The following DLG2 variants were observed in gnomAD, a reference collection of about 807,000 sequenced individuals.
DLG2 encodes the protein discs large MAGUK scaffold protein 2, also known as disks large homolog 2.
DLG2 carries 45 observed loss-of-function variants against 132.5 expected under a neutral mutation model. The observed-to-expected ratio is 0.34, with a 90% CI of 0.27 to 0.44. The LOEUF (loss-of-function observed/expected upper bound fraction) is 0.44. DLG2 is among the 20% of genes least tolerant of loss of function. DLG2 has a pLI of 1.00. For synonymous variants in DLG2, 424 were observed against 419.6 expected (o/e 1.01, Z -0.13); for missense variants, 1,045 against 1,196.9 (o/e 0.87, Z 1.87).
intron 18 of DLG2, among the ~76,000 whole-genome samples, chr11:83,669,132 G>C (rs560829578): frequency 6.6e-6 from 1 of 152,136 alleles, no homozygotes; most frequent in East Asian, 1.9e-4. Flanking sequence ...TGTGTGCCAG[G>C]CAGAGTATTA....
chr11:83,496,958 A>T (rs1310316693), intron 21 of DLG2, among the ~76,000 whole-genome samples: 1 of 152,214 alleles, frequency 6.6e-6, no homozygotes, highest in Non-Finnish European at 1.5e-5. Flanking sequence ...TTTTAAGGTT[A>T]TGCTTAGGTG....
At chr11:84,684,996 T>C (rs2099736825) in intron 6 of DLG2, among the ~76,000 whole-genome samples, 1 of 152,220 alleles carries the variant, frequency 6.6e-6, no homozygotes, top group Admixed American at 6.5e-5. Context: ...GCAATTTATC[T>C]CTTTTTGATT....
chr11:84,245,594 C>T (rs964519548), intron 8 of DLG2, among the ~76,000 whole-genome samples: 47 of 152,142 alleles, frequency 3.1e-4, no homozygotes, highest in Admixed American at 8.5e-4. Flanking sequence ...AAAATTTCAG[C>T]AACAAAGTGT....
At chr11:84,795,998 G>A (rs1482505397) in intron 6 of DLG2, among the ~76,000 whole-genome samples, 3 of 152,188 alleles carry the variant, frequency 2.0e-5, no homozygotes, top group African/African-American at 2.4e-5. Context: ...TTGCCATTCT[G>A]TGCCTGGCTC....
chr11:85,280,066 T>C (rs1385237882), intron 4 of DLG2, among the ~76,000 whole-genome samples: 2 of 152,148 alleles, frequency 1.3e-5, no homozygotes, highest in Non-Finnish European at 2.9e-5. Flanking sequence ...CTATTTATAC[T>C]ATGCATTTTA....
At chr11:85,137,388 A>G (rs2076199705) in intron 5 of DLG2, among the ~76,000 whole-genome samples, 1 of 152,138 alleles carries the variant, frequency 6.6e-6, no homozygotes, top group Non-Finnish European at 1.5e-5. Flanking sequence ...TTGAGGTTCT[A>G]TGACCTGCCG....
intron 18 of DLG2, among the ~76,000 whole-genome samples, chr11:83,758,494 T>C (rs1035123132): frequency 6.6e-6 from 1 of 152,194 alleles, no homozygotes; most frequent in African/African-American, 2.4e-5. Flanking sequence ...CTTCGTTGCA[T>C]AGTACAGCAT....
At chr11:85,420,831 G>T (rs1376511836) in intron 3 of DLG2, among the ~76,000 whole-genome samples, 2 of 152,136 alleles carry the variant, frequency 1.3e-5, no homozygotes, top group African/African-American at 4.8e-5. Context: ...TGCTCTGCTG[G>T]CAGCAAGAAT....
chr11:85,041,919 TCG>T (rs1367285489), intron 6 of DLG2, among the ~76,000 whole-genome samples: 78 of 151,702 alleles, frequency 5.1e-4, no homozygotes, highest in African/African-American at 1.8e-3. Flanking sequence ...ATAATGAACA[TCG>T]GAGAGTCAGA....
intron 4 of DLG2, among the ~76,000 whole-genome samples, chr11:85,281,453 G>A (rs1469540390): frequency 2.0e-5 from 3 of 151,848 alleles, no homozygotes; most frequent in Non-Finnish European, 4.4e-5. Flanking sequence ...CTATAATAAC[G>A]AAGCCTGTGG....
At chr11:83,961,665 A>T (rs1252503071) in intron 14 of DLG2, among the ~76,000 whole-genome samples, 1 of 152,088 alleles carries the variant, frequency 6.6e-6, no homozygotes, top group East Asian at 1.9e-4. Flanking sequence ...GCCTAGTAAC[A>T]TAAAGTGACA....
intron 3 of DLG2, among the ~76,000 whole-genome samples, chr11:85,592,828 C>T (rs1376381087): frequency 1.3e-5 from 2 of 151,852 alleles, no homozygotes; most frequent in Non-Finnish European, 2.9e-5. Context: ...CTGCGCATAC[C>T]AGTAGTCCCA....
At chr11:85,431,010 T>C (rs1048950821) in intron 3 of DLG2, among the ~76,000 whole-genome samples, 2 of 151,982 alleles carry the variant, frequency 1.3e-5, no homozygotes, top group African/African-American at 4.8e-5. Flanking sequence ...AAAAATGATT[T>C]TGGGTTTCAA....
At chr11:85,613,646 A>G (rs1360555380) in intron 2 of DLG2, among the ~76,000 whole-genome samples, 2 of 152,210 alleles carry the variant, frequency 1.3e-5, no homozygotes, top group African/African-American at 4.8e-5. Context: ...GCACTTGGTA[A>G]AAACGGACCA....
At chr11:83,891,006 C>T (rs527553422) in intron 15 of DLG2, among the ~76,000 whole-genome samples, 6 of 152,096 alleles carry the variant, frequency 3.9e-5, no homozygotes, top group Non-Finnish European at 8.8e-5. Flanking sequence ...TACAATTATT[C>T]CAATATTGTA....
At chr11:85,623,871 A>G (rs2153277131) in intron 2 of DLG2, among the ~76,000 whole-genome samples, 1 of 152,368 alleles carries the variant, frequency 6.6e-6, no homozygotes, top group Middle Eastern at 3.4e-3. Flanking sequence ...ATTCAAGAAG[A>G]CTTGTTAAAA....
intron 6 of DLG2, among the ~76,000 whole-genome samples, chr11:84,943,429 C>T (rs929593086): frequency 6.6e-6 from 1 of 151,830 alleles, no homozygotes; most frequent in African/African-American, 2.4e-5. Flanking sequence ...TTCCTGTATT[C>T]CATTTAGTGA....
chr11:85,521,973 T>G (rs1315067051), intron 3 of DLG2, among the ~76,000 whole-genome samples: 1 of 152,040 alleles, frequency 6.6e-6, no homozygotes. Flanking sequence ...TCAAGCCAGG[T>G]GCAGAAATTT....
At chr11:84,305,481 A>G (rs2098205879) in intron 7 of DLG2, among the ~76,000 whole-genome samples, 1 of 152,182 alleles carries the variant, frequency 6.6e-6, no homozygotes, top group Non-Finnish European at 1.5e-5. Flanking sequence ...TTTAACAAGG[A>G]AAATTGCAGA....
Sources: gnomAD v4.1 joint callset for allele counts (sites outside exome capture counted in the v4.1 genomes callset) on GRCh38, gnomAD v4.1.1 for gene constraint, MANE v1.5 for transcripts, NCBI Gene and HGNC (gene_info 2026-07-23, HGNC 2026-07-21) for gene names.